Variants in STK38L observed in about 807,000 individuals in gnomAD.
STK38L encodes serine/threonine kinase 38 like.
STK38L carries 28 observed loss-of-function variants against 59.7 expected under a neutral mutation model. The observed-to-expected ratio is 0.47, with a 90% confidence interval of 0.35 to 0.64. STK38L has a LOEUF of 0.64. Among genes scored for constraint, STK38L ranks in the 30% least tolerant of loss-of-function variants. The pLI is 0.01. For missense variants in STK38L, 314 were observed against 555.8 expected (o/e 0.56, Z 4.37); for synonymous variants, 162 against 176.8 (o/e 0.92, Z 0.66).
At chr12:27,289,666 C>T (rs1376301885) in intron 1 of STK38L, among the ~76,000 whole-genome samples, 3 of 152,242 alleles carry the variant, frequency 2.0e-5, no homozygotes, top group Middle Eastern at 6.8e-3. Context: ...GAGAGGGCCA[C>T]GCTAAATAAA....
chr12:27,269,863 G>A lies in STK38L; in HGVS notation c.-12+25531G>A, dbSNP rs1406521787. Among the ~76,000 whole-genome samples, 10 of 152,052 alleles carry A rather than the reference G, an allele frequency of 6.6e-5. No individual in the cohort carries two copies. The South Asian group carries it at 1.2e-3, about 19-fold the overall frequency. On this transcript the variant is annotated intron_variant, in intron 1 of 13. Transcript: ENST00000389032. ...TCGCCATGTTGGCCAGGCTGGTCTC[G>A]AAATCCTGACCTCAGGTTATCCGCC...
chr12:27,308,679 CGTG>C lies in STK38L; in HGVS notation c.309+226_309+228del, dbSNP rs1410259380. ...TATAAAAATACAAAAATTAGCTGGG[CGTG>C]GTGGTGGGCACCTGTAATCCCAGCT... is the stretch of plus-strand genomic sequence containing the variant. On this transcript the variant is annotated intron_variant, in intron 4 of 13. Coordinates refer to ENST00000389032, the MANE Select transcript of STK38L (RefSeq NM_015000.4). This position sits in a 1 kb window ranked among gnomAD's most constrained non-coding sequence, Gnocchi z 4.5. Among the ~76,000 whole-genome samples the C allele has an allele frequency of 6.6e-6, 1 of 151,304 alleles. No individual in the cohort carries two copies. The highest frequency in any genetic ancestry group is 1.9e-4 in the East Asian group (1 of 5,174).
chr12:27,263,765 G>A (rs74761114), intron 1 of STK38L, among the ~76,000 whole-genome samples: 1 of 152,318 alleles, frequency 6.6e-6, no homozygotes, highest in East Asian at 1.9e-4. Context: ...AGAATAAGGC[G>A]TGGCTCCTGC....
At chr12:27,273,617 T>G (rs777738474) in intron 1 of STK38L, among the ~76,000 whole-genome samples, 5 of 152,036 alleles carry the variant, frequency 3.3e-5, no homozygotes, top group Non-Finnish European at 5.9e-5. Flanking sequence ...AATAACAGAG[T>G]GTTAGCATTT....
At chr12:27,248,403 G>A (rs1447729765) in intron 1 of STK38L, among the ~76,000 whole-genome samples, 1 of 152,168 alleles carries the variant, frequency 6.6e-6, no homozygotes, top group Non-Finnish European at 1.5e-5. Flanking sequence ...ACTCAGTACT[G>A]TAAATGTCCA....
At chr12:27,250,264 T>C (rs1450813683) in intron 1 of STK38L, among the ~76,000 whole-genome samples, 1 of 152,244 alleles carries the variant, frequency 6.6e-6, no homozygotes, top group Non-Finnish European at 1.5e-5. Flanking sequence ...CGGTTATTGC[T>C]ATTCTGCTTT....
chr12:27,287,367 C>T (rs537131003), intron 1 of STK38L, among the ~76,000 whole-genome samples: 37 of 152,278 alleles, frequency 2.4e-4, no homozygotes, highest in African/African-American at 6.5e-4. Flanking sequence ...GTCTCAGCCT[C>T]TCAAAGTGCT....
intron 1 of STK38L, among the ~76,000 whole-genome samples, chr12:27,277,595 A>T (rs958605298): frequency 6.6e-6 from 1 of 152,200 alleles, no homozygotes; most frequent in Non-Finnish European, 1.5e-5. Context: ...ATGACAAATG[A>T]GTAAAGAAAT....
At chr12:27,301,756 T>G (rs1323191973) in intron 2 of STK38L, among the ~76,000 whole-genome samples, 1 of 152,216 alleles carries the variant, frequency 6.6e-6, no homozygotes, top group East Asian at 1.9e-4. Flanking sequence ...CCTTAAAATT[T>G]TATACTTTTA....
At chr12:27,244,693 C>G (rs754861148) in intron 1 of STK38L, among the ~76,000 whole-genome samples, 3 of 152,186 alleles carry the variant, frequency 2.0e-5, no homozygotes, top group African/African-American at 4.8e-5. Flanking sequence ...CCCAGCGCTC[C>G]CGTCCCGTGC....
At chr12:27,315,193 C>A in intron 8 of STK38L, 76 bp downstream of exon 8, 1 of 1,570,212 alleles carries the variant, frequency 6.4e-7, no homozygotes, top group South Asian at 1.1e-5. Flanking sequence ...TCCCTTTCCC[C>A]ACTCCTTAAT....
At chr12:27,316,164 T>C (rs1354500159) in intron 9 of STK38L, among the ~76,000 whole-genome samples, 1 of 152,166 alleles carries the variant, frequency 6.6e-6, no homozygotes, top group African/African-American at 2.4e-5. Context: ...CCAAATAAAA[T>C]GACCTTTGCA....
intron 1 of STK38L, among the ~76,000 whole-genome samples, chr12:27,277,654 A>G (rs1943566901): frequency 6.6e-6 from 1 of 152,150 alleles, no homozygotes; most frequent in Non-Finnish European, 1.5e-5. Flanking sequence ...ATAACCATGG[A>G]GTTTGCATAT....
At chr12:27,294,869 CCTAG>C (rs1006070366) in intron 1 of STK38L, among the ~76,000 whole-genome samples, 3 of 149,810 alleles carry the variant, frequency 2.0e-5, no homozygotes, top group African/African-American at 7.4e-5. Flanking sequence ...CACTACCACA[CCTAG>C]CTAAGTAAAA....
At chr12:27,267,834 G>C (rs1943331298) in intron 1 of STK38L, among the ~76,000 whole-genome samples, 1 of 152,086 alleles carries the variant, frequency 6.6e-6, no homozygotes, top group Non-Finnish European at 1.5e-5. Context: ...TAGAATTGTA[G>C]TTGAGCATCT....
chr12:27,279,917 G>A (rs1346914699), intron 1 of STK38L, among the ~76,000 whole-genome samples: 1 of 152,090 alleles, frequency 6.6e-6, no homozygotes, highest in Non-Finnish European at 1.5e-5. Flanking sequence ...CTGAGCTTAG[G>A]GAGACAGGTT....
chr12:27,291,488 TAA>T (rs1943895282), intron 1 of STK38L, among the ~76,000 whole-genome samples: 1 of 152,214 alleles, frequency 6.6e-6, no homozygotes, highest in African/African-American at 2.4e-5. Flanking sequence ...ATGAACTCCC[TAA>T]GGGCCGGAAC....
chr12:27,257,275 A>G (rs1373502202), intron 1 of STK38L, among the ~76,000 whole-genome samples: 2 of 152,220 alleles, frequency 1.3e-5, no homozygotes, highest in African/African-American at 4.8e-5. Flanking sequence ...CTAAGTCAGG[A>G]TAACCTGATG....
At chr12:27,267,201 A>G (rs1208656631) in intron 1 of STK38L, among the ~76,000 whole-genome samples, 1 of 152,106 alleles carries the variant, frequency 6.6e-6, no homozygotes, top group Admixed American at 6.5e-5. Flanking sequence ...TGTTTTTTTA[A>G]ATTTTGACTT....
Sources: gnomAD v4.1 joint callset for allele counts (sites outside exome capture counted in the v4.1 genomes callset) on GRCh38, gnomAD v4.1.1 for gene constraint, Gnocchi (gnomAD v3.1) non-coding constraint, MANE v1.5 for transcripts, NCBI Gene and HGNC (gene_info 2026-07-23, HGNC 2026-07-21) for gene names.